The following MAP4 variants were observed in gnomAD, a reference collection of about 807,000 sequenced individuals.
MAP4 encodes the protein microtubule associated protein 4.
MAP4 carries 76 observed loss-of-function variants against 170.2 expected under a neutral mutation model. The observed-to-expected ratio is 0.45, with a 90% CI of 0.37 to 0.54. The LOEUF is 0.54. Among genes scored for constraint, MAP4 ranks in the 20% least tolerant of loss-of-function variants. MAP4 has a pLI of 0.00. For missense variants in MAP4, 2,506 were observed against 2,748.0 expected, an observed-to-expected ratio of 0.91 and a Z score of 1.97; for synonymous variants, 909 against 994.5, an observed-to-expected ratio of 0.91 and a Z score of 1.62.
chr3:48,061,519 A>T (rs2100135263), intron 1 of MAP4, among the ~76,000 whole-genome samples: 1 of 152,170 alleles, frequency 6.6e-6, no homozygotes, highest in Admixed American at 6.5e-5. Flanking sequence ...GCTGGAGTGC[A>T]GTGGCGTGAT....
chr3:47,891,986 G>A, intron 10 of MAP4: 1 of 1,536,370 alleles, frequency 6.5e-7, no homozygotes, highest in Non-Finnish European at 8.7e-7. Context: ...AGGGATGTCA[G>A]CAGCCCCAGG....
Position 47,875,698 on chromosome 3 carries a change from T to C in MAP4, c.5744A>G (p.Asp1915Gly). The C allele has an allele frequency of 6.2e-7, 1 of 1,612,918 alleles. No individual in the cohort carries two copies. The highest frequency in any genetic ancestry group is 8.5e-7 in the Non-Finnish European group (1 of 1,179,924). Reference sequence around the variant, plus strand: ...GTGACCACTTACCTTTGGCTTCACGTCTTTTGAAGGTAAGATGGAAGGCCT... The same window carrying C: ...GTGACCACTTACCTTTGGCTTCACGCCTTTTGAAGGTAAGATGGAAGGCCT... Reference protein sequence around the residue: ...SARPSILPSKDVKPKPIADAK... With the variant: ...SARPSILPSKGVKPKPIADAK... Residue 1915 changes from aspartate to glycine, a missense_variant, in exon 12 of 21, where the codon GAC becomes GGC. Asp to Gly is a moderately conservative substitution (Grantham distance 94). Transcript: ENST00000683076.
intron 2 of MAP4, among the ~76,000 whole-genome samples, chr3:47,997,707 C>CAAAG (rs59915035): frequency 0.033 from 4,898 of 149,886 alleles, 154 homozygotes; most frequent in African/African-American, 0.082. Context: ...CTAGACTTAT[C>CAAAG]AAAGAAAGAA....
chr3:47,982,699 T>C (rs890326870), intron 2 of MAP4, among the ~76,000 whole-genome samples: 11 of 152,160 alleles, frequency 7.2e-5, no homozygotes, highest in Non-Finnish European at 1.3e-4. Flanking sequence ...TGATATATAC[T>C]GACAGAAAGT....
chr3:47,856,652 C>T (rs1021501983), intron 18 of MAP4, among the ~76,000 whole-genome samples: 6 of 152,216 alleles, frequency 3.9e-5, no homozygotes, highest in African/African-American at 1.4e-4. Context: ...TTCTCAAACT[C>T]CTGACCTCAA....
At chr3:47,896,411 C>A (rs980597584) in intron 10 of MAP4, among the ~76,000 whole-genome samples, 3 of 152,132 alleles carry the variant, frequency 2.0e-5, no homozygotes, top group Non-Finnish European at 4.4e-5. Context: ...TGCCTGTAAT[C>A]CCAGCTACTC....
intron 3 of MAP4, among the ~76,000 whole-genome samples, chr3:47,936,289 G>T (rs2100052755): frequency 6.6e-6 from 1 of 151,910 alleles, no homozygotes; most frequent in Non-Finnish European, 1.5e-5. Flanking sequence ...CAAAAAATTA[G>T]CCGGGTGTGG....
intron 3 of MAP4, among the ~76,000 whole-genome samples, chr3:47,930,846 G>A (rs980743871): frequency 2.0e-5 from 3 of 150,780 alleles, no homozygotes; most frequent in East Asian, 3.9e-4. Context: ...GGAGAATGGC[G>A]TGAACCTGGT....
rs929879447 is a variant in MAP4, at chr3:48,030,510, G to T, written c.-19-31631C>A. Among the ~76,000 whole-genome samples the T allele has an allele frequency of 1.2e-4, 18 of 150,966 alleles. 1 individual carries two copies. The highest frequency in any genetic ancestry group is 2.5e-4 in the Non-Finnish European group (17 of 67,838). On this transcript the variant is annotated intron_variant, in intron 1 of 18. Transcript: ENST00000360240. ...TAAAAAAAAAAAAACAACGATAGGG[G>T]TAAGTTGGCCGGACGAGGTGGCTCA...
At chr3:47,853,109 T>G in intron 20 of MAP4, 54 bp downstream of exon 20, 2 of 1,613,564 alleles carry the variant, frequency 1.2e-6, no homozygotes, top group Non-Finnish European at 1.7e-6. Flanking sequence ...AGTTTCAATT[T>G]GCGGCCAGTG....
intron 10 of MAP4, among the ~76,000 whole-genome samples, chr3:47,901,280 G>A (rs965133747): frequency 2.0e-5 from 3 of 152,192 alleles, no homozygotes; most frequent in Non-Finnish European, 4.4e-5. Context: ...TGGAATCTCT[G>A]AAGAGTATAG....
At chr3:47,988,899 A>G (rs2100090539) in intron 2 of MAP4, among the ~76,000 whole-genome samples, 1 of 152,046 alleles carries the variant, frequency 6.6e-6, no homozygotes, top group Non-Finnish European at 1.5e-5. Flanking sequence ...TGCAACCTCC[A>G]CCTTCTGGGT....
At position 48,076,677 on chromosome 3, in the gene MAP4, T is replaced by A. The variant is rs1418490705; in HGVS notation, c.-20+12096A>T. Among the ~76,000 whole-genome samples, 4 of 151,308 alleles carry A rather than the reference T, an allele frequency of 2.6e-5. No individual in the cohort carries two copies. The East Asian group carries it at 7.8e-4, about 29-fold the overall frequency. ...CTGGACAAAAGACAGAGACCCTGTC[T>A]CGGAAAGAAGAAAGAACGAACGAAC... On this transcript the variant is annotated intron_variant, in intron 1 of 18. Transcript: ENST00000360240.
rs1352895995 is a variant in MAP4 at position 48,011,064 on chromosome 3, A to T, written c.-20+5270T>A. ...CAAGTAGTGTGGGGCTCGTGACAAA[A>T]ACTGATAGCTTTGCTGCCAAAGGGG... On this transcript the variant is annotated intron_variant, in intron 1 of 20. Transcript: ENST00000683076. 2.0e-5 allele frequency among the ~76,000 whole-genome samples: 3 copies of T among 152,032 alleles called. No homozygotes were observed. In the East Asian group the frequency reaches 5.8e-4, roughly 29 times the overall value.
At position 47,852,556 on chromosome 3, in the gene MAP4, T is replaced by C. The variant is rs534601917; in HGVS notation, c.*378A>G. The stretch of plus-strand genomic sequence containing the variant: ...CCAAAGAACCAAAAAAAGATGAGGA[T>C]AGAATCTGGTTCTCCTCTCCTAGAT... On this transcript the variant is annotated 3_prime_UTR_variant, in exon 21 of 21. Transcript: ENST00000683076. The C allele has an allele frequency of 9.2e-6, 5 of 540,558 alleles. No individual in the cohort carries two copies. The highest frequency in any genetic ancestry group is 1.6e-5 in the Non-Finnish European group (5 of 311,894). The allele number at this position is 540,558 out of a possible 1,614,324, so 33.5% of individuals were successfully genotyped here.
At chr3:47,854,288 C>T (rs1329439555) in intron 19 of MAP4, among the ~76,000 whole-genome samples, 5 of 152,194 alleles carry the variant, frequency 3.3e-5, no homozygotes. Flanking sequence ...GTGAGAACGG[C>T]ATCCTCACGA....
intron 5 of MAP4, among the ~76,000 whole-genome samples, 182 bp downstream of exon 5, chr3:47,921,583 C>T (rs1165133460): frequency 6.6e-6 from 1 of 152,154 alleles, no homozygotes; most frequent in African/African-American, 2.4e-5. Context: ...CTAAAGCCAC[C>T]TCTTGCGGAG....
At position 47,877,476 on chromosome 3, in the gene MAP4, T is replaced by G. The variant is rs1381159186; in HGVS notation, c.5482A>C (p.Asn1828His). Residue 1828 changes from asparagine (N) to histidine (H), a missense_variant, in exon 11 of 21, where the codon AAT (asparagine) becomes CAT (histidine). Coordinates refer to ENST00000683076, the MANE Select transcript of MAP4 (RefSeq NM_001385682.1). ...EGRPVVSGTG[N>H]DITTPPNKEL... ...TTGTTCGGTGGGGTGGTGATGTCAT[T>G]TCCTGTCCCACTCACCACAGGCCTT... 1 of 1,613,970 alleles carries G rather than the reference T, an allele frequency of 6.2e-7. No individual in the cohort carries two copies. The highest frequency in any genetic ancestry group is 8.5e-7 in the Non-Finnish European group (1 of 1,180,014).
At chr3:48,047,876 G>T (rs2100125408) in intron 1 of MAP4, among the ~76,000 whole-genome samples, 1 of 152,050 alleles carries the variant, frequency 6.6e-6, no homozygotes, top group Non-Finnish European at 1.5e-5. Context: ...ACAAATATTT[G>T]GTATTTGAAA....
Sources: allele counts gnomAD v4.1 joint callset (sites outside exome capture counted in the v4.1 genomes callset), GRCh38; gene constraint gnomAD v4.1.1; transcripts MANE v1.5; gene names NCBI Gene and HGNC (gene_info 2026-07-23, HGNC 2026-07-21).